Variants in WDR41 observed in about 807,000 individuals in gnomAD.
The protein encoded by WDR41 is WD repeat domain 41.
A neutral mutation model predicts 69.3 loss-of-function variants in WDR41; 63 were observed. That is an observed-to-expected ratio of 0.91 (90% CI 0.74 to 1.12). The LOEUF (loss-of-function observed/expected upper bound fraction) is 1.12, where lower values mean the gene tolerates loss of function less well. Among genes scored for constraint, WDR41 ranks in the 50% most tolerant of loss-of-function variants. The pLI, the probability that WDR41 is intolerant of heterozygous loss-of-function variation, is 0.00. For synonymous variants in WDR41, 185 were observed against 192.1 expected (o/e 0.96, Z 0.31); for missense variants, 543 against 534.5 (o/e 1.02, Z -0.16).
intron 1 of WDR41, among the ~76,000 whole-genome samples, chr5:77,604,903 C>G (rs181163291): frequency 6.6e-6 from 1 of 150,650 alleles, no homozygotes; most frequent in Non-Finnish European, 1.5e-5. Context: ...AGAATGTTAC[C>G]ATTTGTGCAC....
chr5:77,438,544 G>A (rs906532698), intron 9 of WDR41, among the ~76,000 whole-genome samples, 183 bp from the exon 10 acceptor site: 6 of 152,134 alleles, frequency 3.9e-5, no homozygotes, highest in Non-Finnish European at 7.3e-5. Context: ...AAAGCTCTGA[G>A]CATTTAGAAG....
intron 5 of WDR41, among the ~76,000 whole-genome samples, chr5:77,456,053 A>G (rs1030206825): frequency 5.3e-5 from 8 of 152,084 alleles, no homozygotes; most frequent in Non-Finnish European, 1.2e-4. Flanking sequence ...CAATGTGGGT[A>G]GTGGTGGAAT....
At chr5:77,437,181 T>C (rs1377618735) in intron 11 of WDR41, among the ~76,000 whole-genome samples, 155 bp downstream of exon 11, 1 of 152,254 alleles carries the variant, frequency 6.6e-6, no homozygotes, top group African/African-American at 2.4e-5. Context: ...CTGTAAATCC[T>C]AGATCTCAAT....
Position 77,587,930 on chromosome 5 carries a change from T to C in WDR41, c.42+32549A>G, listed in dbSNP as rs1409524248. On this transcript the variant is annotated intron_variant, in intron 1 of 5. Coordinates refer to the WDR41 transcript ENST00000509971. ...GGAGAAAGGCTTCAGAGGAAACCAG[T>C]TCTACCAATAGGATCTTGAACTTTT... 9.7e-4 allele frequency among the ~76,000 whole-genome samples: 147 copies of C among 152,154 alleles called. 1 individual carries two copies. Among genetic ancestry groups the C allele is most frequent in the Admixed American group, 9.6e-3 (147 of 15,280 alleles).
intron 1 of WDR41, among the ~76,000 whole-genome samples, chr5:77,543,707 A>G (rs1324122038): frequency 3.3e-5 from 5 of 152,144 alleles, no homozygotes. Context: ...GAAGAAGAGA[A>G]TTCTAAAAGT....
At chr5:77,558,094 T>TTTAAAAAAAAAAAAA (rs1554036365) in intron 1 of WDR41, among the ~76,000 whole-genome samples, 4 of 104,300 alleles carry the variant, frequency 3.8e-5, no homozygotes, top group African/African-American at 1.4e-4. Flanking sequence ...ATGTTCTTTT[T>TTTAAAAAAAAAAAAA]AAAAAAAAAA....
intron 2 of WDR41, among the ~76,000 whole-genome samples, chr5:77,483,426 A>C (rs1801370510): frequency 6.6e-6 from 1 of 151,522 alleles, no homozygotes. Context: ...GGGCTGAGTC[A>C]CCGTGCCCAG....
intron 2 of WDR41, among the ~76,000 whole-genome samples, chr5:77,481,024 GGTT>G (rs567712626): frequency 2.6e-4 from 39 of 150,248 alleles, no homozygotes; most frequent in Non-Finnish European, 4.0e-4. Flanking sequence ...GGGTTTTCTG[GGTT>G]GTTTTTTTTT....
chr5:77,593,731 C>T (rs913807182), intron 1 of WDR41, among the ~76,000 whole-genome samples: 1 of 152,008 alleles, frequency 6.6e-6, no homozygotes, highest in Non-Finnish European at 1.5e-5. Context: ...AGAAGGATTA[C>T]GTGACTTAAG....
At chr5:77,437,808 G>A (rs1223875644) in intron 10 of WDR41, among the ~76,000 whole-genome samples, 4 of 151,884 alleles carry the variant, frequency 2.6e-5, no homozygotes, top group East Asian at 1.9e-4. Context: ...CCATATGTTC[G>A]TCCCTAGAAG....
At chr5:77,546,910 A>C (rs944381667) in intron 1 of WDR41, among the ~76,000 whole-genome samples, 31 of 152,172 alleles carry the variant, frequency 2.0e-4, no homozygotes, top group African/African-American at 7.5e-4. Flanking sequence ...AAAATATCAA[A>C]AAGATAATCC....
rs201249403 is a variant in WDR41, at chr5:77,466,806, ATT to A, written c.168-1999_168-1998del. Among the ~76,000 whole-genome samples, 442 of 135,166 alleles carry A rather than the reference ATT, an allele frequency of 3.3e-3. 1 individual carries two copies. The highest frequency in any genetic ancestry group is 9.6e-3 in the African/African-American group (357 of 37,308). 88.7% of individuals were successfully genotyped at this position (135,166 alleles called of 152,430 possible). A position where few individuals can be genotyped will look rare whatever the true frequency, so the allele number is the denominator to read the frequency against. ...TTCTTATATATATTCTATTGCTACC[ATT>A]TTTTTTTTTTTTTTGCCATTTCAGT... On this transcript the variant is annotated intron_variant, in intron 2 of 12. Transcript: ENST00000296679.
rs115462361 is a variant in WDR41 at position 77,542,989 on chromosome 5, G to A, written c.43-53417C>T. 7.6e-3 allele frequency among the ~76,000 whole-genome samples: 1,162 copies of A among 152,272 alleles called. 9 individuals carry two copies. The highest frequency in any genetic ancestry group is 0.012 in the Non-Finnish European group (824 of 68,030). The stretch of plus-strand genomic sequence containing the variant: ...AGTTCACATCACAGTACTCTGTGCA[G>A]ATAACCCCCACTACCAGCCCAGAGC... On this transcript the variant is annotated intron_variant, in intron 1 of 5. Transcript: ENST00000509971.
intron 1 of WDR41, among the ~76,000 whole-genome samples, chr5:77,518,063 C>T (rs1802317699): frequency 6.6e-6 from 1 of 152,154 alleles, no homozygotes; most frequent in Admixed American, 6.5e-5. Context: ...AACCACTTCT[C>T]ATATGCTACC....
chr5:77,599,861 G>A (rs955004805), intron 1 of WDR41, among the ~76,000 whole-genome samples: 1 of 152,084 alleles, frequency 6.6e-6, no homozygotes, highest in Admixed American at 6.5e-5. Context: ...TTGCATTTTG[G>A]GATGATTCTG....
intron 1 of WDR41, among the ~76,000 whole-genome samples, chr5:77,579,653 T>G (rs1169970884): frequency 3.9e-5 from 6 of 152,224 alleles, no homozygotes; most frequent in African/African-American, 1.4e-4. Context: ...TACTAGCAGA[T>G]CTTCCATACA....
intron 1 of WDR41, among the ~76,000 whole-genome samples, chr5:77,516,917 T>C (rs939749710): frequency 3.3e-5 from 5 of 151,004 alleles, no homozygotes; most frequent in Middle Eastern, 3.2e-3. Context: ...CGCGGGAGGC[T>C]GAGGCAGGAG....
At chr5:77,540,520 A>G (rs957318901) in intron 1 of WDR41, 43 of 152,194 alleles carry the variant, frequency 2.8e-4, no homozygotes, top group African/African-American at 9.4e-4. Flanking sequence ...CTCAGGCAAC[A>G]TGGTGAAACT....
chr5:77,510,361 CACATGGGAATTATGGGAGCTACAAG>C (rs1450174870), intron 1 of WDR41, among the ~76,000 whole-genome samples: 1 of 152,192 alleles, frequency 6.6e-6, no homozygotes, highest in African/African-American at 2.4e-5. Flanking sequence ...CCTCCCACAA[CACATGGGAATTATGGGAGCTACAAG>C]ATGAGATTTG....
Sources: gnomAD v4.1 joint callset for allele counts (sites outside exome capture counted in the v4.1 genomes callset) on GRCh38, gnomAD v4.1.1 for gene constraint, MANE v1.5 for transcripts, NCBI Gene and HGNC (gene_info 2026-07-23, HGNC 2026-07-21) for gene names.